The following KLHL3 variants were observed in gnomAD, a reference collection of about 807,000 sequenced individuals.
The protein encoded by KLHL3 is kelch like family member 3, also known as kelch-like protein 3.
Under a neutral mutation model 70.5 loss-of-function variants are expected in KLHL3, and 19 were observed. The observed-to-expected ratio is 0.27, with a 90% confidence interval of 0.19 to 0.40. The LOEUF (loss-of-function observed/expected upper bound fraction) is 0.40. KLHL3 is among the 10% of genes least tolerant of loss of function. The pLI is 1.00. For missense variants in KLHL3, 512 were observed against 771.1 expected, an observed-to-expected ratio of 0.66 and a Z score of 3.98; for synonymous variants, 258 against 290.3, an observed-to-expected ratio of 0.89 and a Z score of 1.13.
intron 8 of KLHL3, 74 bp from the exon 9 acceptor site, chr5:137,640,051 T>A (rs973124587): frequency 4.0e-6 from 5 of 1,235,538 alleles, no homozygotes; most frequent in Non-Finnish European, 6.0e-6. Flanking sequence ...TACTTCCACA[T>A]GGCTTATCGC....
chr5:137,725,146 T>C (rs1580788753), intron 1 of KLHL3: 1 of 742,828 alleles, frequency 1.3e-6, no homozygotes, highest in Non-Finnish European at 1.6e-6. Context: ...TCAGTTCTTA[T>C]TTCCAAATAA....
chr5:137,655,125 T>C (rs1462770382), intron 8 of KLHL3, among the ~76,000 whole-genome samples: 2 of 152,144 alleles, frequency 1.3e-5, no homozygotes, highest in African/African-American at 2.4e-5. Context: ...TCTGATATCA[T>C]AGAGGATGAG....
At chr5:137,718,891 G>A (rs970632144) in intron 2 of KLHL3, among the ~76,000 whole-genome samples, 1 of 152,228 alleles carries the variant, frequency 6.6e-6, no homozygotes, top group African/African-American at 2.4e-5. Context: ...GGTTATTAAT[G>A]CCAAAGACTA....
At chr5:137,631,299 G>A (rs899004491) in intron 12 of KLHL3, among the ~76,000 whole-genome samples, 1 of 152,188 alleles carries the variant, frequency 6.6e-6, no homozygotes, top group African/African-American at 2.4e-5. Context: ...CAAAGCAGGG[G>A]AGAAGGGGCT....
chr5:137,638,856 T>A, intron 10 of KLHL3, 97 bp downstream of exon 10: 1 of 1,185,060 alleles, frequency 8.4e-7, no homozygotes, highest in Admixed American at 2.1e-5. Context: ...TAGCTACAAA[T>A]GGACAGAAAG....
chr5:137,691,336 GGTGGCTGC>G (rs1364773355), intron 5 of KLHL3, among the ~76,000 whole-genome samples: 3 of 152,194 alleles, frequency 2.0e-5, no homozygotes, highest in Non-Finnish European at 4.4e-5. Context: ...TAAAGAGGGG[GGTGGCTGC>G]ATGTGTATAA....
At chr5:137,721,563 T>C (rs939957506) in intron 1 of KLHL3, among the ~76,000 whole-genome samples, 15 of 152,218 alleles carry the variant, frequency 9.9e-5, no homozygotes, top group Non-Finnish European at 1.6e-4. Context: ...TTATAAGTAT[T>C]ATGGAAAGAA....
intron 8 of KLHL3, among the ~76,000 whole-genome samples, chr5:137,648,942 A>C (rs1196046040): frequency 6.6e-6 from 1 of 152,216 alleles, no homozygotes; most frequent in Non-Finnish European, 1.5e-5. Context: ...TTCTCTACTT[A>C]TTTGGTTGTT....
chr5:137,725,259 C>T (rs1753068002), intron 1 of KLHL3, among the ~76,000 whole-genome samples: 1 of 152,066 alleles, frequency 6.6e-6, no homozygotes, highest in African/African-American at 2.4e-5. Flanking sequence ...CTACCCAGAC[C>T]CAGCCAAAAT....
At chr5:137,658,014 T>C (rs759594135) in intron 8 of KLHL3, 117 bp downstream of exon 8, 33 of 999,650 alleles carry the variant, frequency 3.3e-5, no homozygotes, top group Non-Finnish European at 4.5e-5. Context: ...TCCTAGGTTG[T>C]AAATGCAACC....
chr5:137,664,449 T>A (rs998107471), intron 6 of KLHL3, among the ~76,000 whole-genome samples: 1 of 152,026 alleles, frequency 6.6e-6, no homozygotes, highest in African/African-American at 2.4e-5. Flanking sequence ...GTAAAAGGAA[T>A]GACGGAATTA....
chr5:137,636,416 G>GA (rs1359774675), intron 11 of KLHL3, among the ~76,000 whole-genome samples: 3 of 152,206 alleles, frequency 2.0e-5, no homozygotes, highest in Non-Finnish European at 4.4e-5. Context: ...ACAAGTTGAT[G>GA]AATCAGTGTT....
chr5:137,641,863 A>AGCT (rs1175855273), intron 8 of KLHL3, among the ~76,000 whole-genome samples: 8 of 152,198 alleles, frequency 5.3e-5, no homozygotes, highest in African/African-American at 9.6e-5. Context: ...CCCAGCCTCG[A>AGCT]GCTGCTGCTG....
intron 1 of KLHL3, among the ~76,000 whole-genome samples, chr5:137,733,160 T>C (rs1753207361): frequency 1.3e-5 from 2 of 152,212 alleles, no homozygotes; most frequent in Admixed American, 1.3e-4. Context: ...CATGTGATCC[T>C]AGGCGAGTCA....
chr5:137,622,268 A>G (rs1273264277), intron 14 of KLHL3, 142 bp from the exon 15 acceptor site: 5 of 992,336 alleles, frequency 5.0e-6, no homozygotes, highest in Admixed American at 4.1e-5. Context: ...AAGTGGACTC[A>G]GGCTGCTAGC....
chr5:137,706,665 C>T (rs1022927356), intron 3 of KLHL3, among the ~76,000 whole-genome samples: 8 of 151,866 alleles, frequency 5.3e-5, no homozygotes, highest in African/African-American at 9.7e-5. Context: ...TAATTTCCAA[C>T]GAAGGAAATG....
At position 137,648,128 on chromosome 5, in the gene KLHL3, T is replaced by C. The variant is rs936386994; in HGVS notation, c.904-8151A>G. On this transcript the variant is annotated intron_variant, in intron 8 of 14. Transcript: ENST00000309755. The stretch of plus-strand genomic sequence containing the variant: ...CAATGAAAGGTAGAAAAGGATACTA[T>C]GAACCTGTGAGGGAGGGTAAGTACC... Among the ~76,000 whole-genome samples, 36 of 152,216 alleles carry C rather than the reference T, an allele frequency of 2.4e-4. 1 individual carries two copies. The highest frequency in any genetic ancestry group is 8.2e-4 in the African/African-American group (34 of 41,448).
chr5:137,665,593 A>G (rs114364642), intron 6 of KLHL3, among the ~76,000 whole-genome samples: 9 of 152,310 alleles, frequency 5.9e-5, no homozygotes, highest in Middle Eastern at 3.4e-3. Flanking sequence ...TAGGTTTTTA[A>G]TTTTTCAGAA....
chr5:137,657,992 G>T, intron 8 of KLHL3, 139 bp downstream of exon 8: 1 of 756,554 alleles, frequency 1.3e-6, no homozygotes, highest in Non-Finnish European at 2.2e-6. Flanking sequence ...AGAGGAACCA[G>T]CAGACTCCAT....
Sources: gnomAD v4.1 joint callset for allele counts (sites outside exome capture counted in the v4.1 genomes callset) on GRCh38, gnomAD v4.1.1 for gene constraint, MANE v1.5 for transcripts, NCBI Gene and HGNC (gene_info 2026-07-23, HGNC 2026-07-21) for gene names.